PALMD: variants seen among roughly 807,000 people sequenced by gnomAD.
The protein encoded by PALMD is paralemmin-like protein.
PALMD carries 42 observed loss-of-function variants against 56.2 expected under a neutral mutation model. The ratio of observed to expected loss-of-function variants is 0.75; its 90% CI spans 0.58 to 0.97. The LOEUF is 0.97. Ranked by LOEUF, PALMD falls within the 50% of genes least tolerant of loss-of-function variation. The probability of loss-of-function intolerance (pLI) is 0.00; values close to 1 mark genes in which losing one functional copy is unlikely to be tolerated. For synonymous variants in PALMD, 242 were observed against 222.9 expected (o/e 1.09, Z -0.76); for missense variants, 660 against 643.8 (o/e 1.03, Z -0.27).
intron 1 of PALMD, among the ~76,000 whole-genome samples, chr1:99,652,484 A>G (rs1652608891): frequency 6.6e-6 from 1 of 151,928 alleles, no homozygotes; most frequent in Admixed American, 6.6e-5. Context: ...TGCGCCTGTA[A>G]TCCCAGCTAC....
chr1:99,646,206 C>G lies in PALMD; in HGVS notation c.-112C>G. On this transcript the variant is annotated 5_prime_UTR_variant, in exon 1 of 8. Transcript: ENST00000263174. ...TCTATTTCTCCACTGGTGCAAAGAG[C>G]GGATTTCTCCCTGCTTCTCTTCTGT... 1 of 826,252 alleles carries G rather than the reference C, an allele frequency of 1.2e-6. No individual in the cohort carries two copies. Among genetic ancestry groups the G allele is most frequent in the Non-Finnish European group, 2.1e-6 (1 of 479,242 alleles). The allele number at this position is 826,252 out of a possible 1,614,324, so 51.2% of individuals were successfully genotyped here.
At chr1:99,664,661 G>A (rs972795332) in intron 2 of PALMD, among the ~76,000 whole-genome samples, 4 of 152,120 alleles carry the variant, frequency 2.6e-5, no homozygotes, top group Non-Finnish European at 4.4e-5. Context: ...CCAAAATGGG[G>A]TTCAAAATGT....
chr1:99,662,479 G>C, intron 2 of PALMD, 80 bp downstream of exon 2: 1 of 876,844 alleles, frequency 1.1e-6, no homozygotes, highest in Non-Finnish European at 1.8e-6. Context: ...TAGTAAAAAA[G>C]CTTTAGGAAA....
At position 99,650,285 on chromosome 1, in the gene PALMD, G is replaced by GAAAAAA. The variant is rs200081370; in HGVS notation, c.45+3952_45+3957dup. Among the ~76,000 whole-genome samples, 24 of 116,990 alleles carry GAAAAAA rather than the reference G, an allele frequency of 2.1e-4. 1 individual carries two copies. The highest frequency in any genetic ancestry group is 2.9e-4 in the Non-Finnish European group (17 of 58,718). 76.7% of individuals were successfully genotyped at this position (116,990 alleles called of 152,430 possible). ...TTTGCCGGCCAAAGCTGCTCATAAT[G>GAAAAAA]AAAAAAAAAAAAAAAAAAAAAAAAA... On this transcript the variant is annotated intron_variant, in intron 1 of 7. Transcript: ENST00000263174.
In PALMD at chr1:99,648,048, T is replaced by A. The variant is rs541162798; in HGVS notation, c.45+1686T>A. 1.2e-4 allele frequency among the ~76,000 whole-genome samples: 19 copies of A among 152,310 alleles called. No individual in the cohort carries two copies. The South Asian group carries it at 3.7e-3, about 30-fold the overall frequency. On this transcript the variant is annotated intron_variant, in intron 1 of 7. Transcript: ENST00000263174. The stretch of plus-strand genomic sequence containing the variant: ...GTAAGTAGCTTCCTGAATATGCAGA[T>A]GTATGCTTTTTTGATGATTAAAAAA...
chr1:99,654,136 C>A (rs760281495), intron 1 of PALMD, among the ~76,000 whole-genome samples: 5 of 151,988 alleles, frequency 3.3e-5, no homozygotes, highest in African/African-American at 1.2e-4. Flanking sequence ...TTCCACCACT[C>A]GATCAATCAC....
chr1:99,666,663 G>T (rs1652968896), intron 2 of PALMD, among the ~76,000 whole-genome samples: 1 of 152,080 alleles, frequency 6.6e-6, no homozygotes, highest in Non-Finnish European at 1.5e-5. Flanking sequence ...ACAAATAATT[G>T]ATAGGGCAGA....
intron 3 of PALMD, among the ~76,000 whole-genome samples, chr1:99,670,447 GAGAA>G (rs1233372824): frequency 6.6e-6 from 1 of 152,184 alleles, no homozygotes; most frequent in Non-Finnish European, 1.5e-5. Context: ...AATAGGCGCA[GAGAA>G]AGAAAGTGAC....
intron 1 of PALMD, among the ~76,000 whole-genome samples, chr1:99,656,645 T>C (rs1402828071): frequency 6.6e-6 from 1 of 152,188 alleles, no homozygotes; most frequent in Non-Finnish European, 1.5e-5. Context: ...TAGTCAAGTA[T>C]ATGATGGCTT....
At chr1:99,681,586 C>T (rs1182305367) in intron 3 of PALMD, among the ~76,000 whole-genome samples, 1 of 152,054 alleles carries the variant, frequency 6.6e-6, no homozygotes, top group Non-Finnish European at 1.5e-5. Context: ...AAACAAATTC[C>T]TTATAAAGTA....
intron 3 of PALMD, chr1:99,683,116 AAG>A (rs1256208089): frequency 8.4e-6 from 1 of 118,524 alleles, no homozygotes; most frequent in Non-Finnish European, 1.6e-5. Context: ...GAAAGAAAGA[AAG>A]AAAGAAAGAA....
rs1003821878 is a variant in PALMD, at chr1:99,694,286, T to C, written c.*224T>C. On this transcript the variant is annotated 3_prime_UTR_variant, in exon 8 of 8. Coordinates refer to ENST00000263174, the MANE Select transcript of PALMD (RefSeq NM_017734.5). ...TTTCCAGTTACTTGACACGATTCAG[T>C]GGGGGAAAACCAGCATTTTTTATTC... 1 of 406,452 alleles carries C rather than the reference T, an allele frequency of 2.5e-6. No homozygotes were observed. The highest frequency in any genetic ancestry group is 5.3e-5 in the South Asian group (1 of 18,928). The allele number at this position is 406,452 out of a possible 1,614,324, so 25.2% of individuals were successfully genotyped here. A position where few individuals can be genotyped will look rare whatever the true frequency, so the allele number is the denominator to read the frequency against.
intron 1 of PALMD, among the ~76,000 whole-genome samples, chr1:99,652,169 G>T (rs1458144899): frequency 6.6e-6 from 1 of 152,174 alleles, no homozygotes; most frequent in Non-Finnish European, 1.5e-5. Flanking sequence ...ATGGCAGAAA[G>T]CCTAGGCCAA....
At chr1:99,655,576 G>A (rs536078550) in intron 1 of PALMD, among the ~76,000 whole-genome samples, 1 of 152,132 alleles carries the variant, frequency 6.6e-6, no homozygotes, top group South Asian at 2.1e-4. Context: ...AAAAAACTGG[G>A]TCATTTGCCA....
chr1:99,693,917 T>A, intron 7 of PALMD, 102 bp from the exon 8 acceptor site: 3 of 743,990 alleles, frequency 4.0e-6, no homozygotes, highest in Non-Finnish European at 7.0e-6. Flanking sequence ...GATAAAACCA[T>A]CTGAGGTATG....
rs775659015 is a variant in PALMD, at chr1:99,686,794, A to G, written c.366+4A>G. The G allele has an allele frequency of 1.4e-6, 2 of 1,477,600 alleles. No homozygotes were observed. The highest frequency in any genetic ancestry group is 2.8e-5 in the African/African-American group (2 of 71,338). 91.5% of individuals were successfully genotyped at this position (1,477,600 alleles called of 1,614,324 possible). A position where few individuals can be genotyped will look rare whatever the true frequency, so the allele number is the denominator to read the frequency against. ...GACAACAGAAGACATTATAAGAGTGAGCATTAACCAATTTTAAAACTGTAA... is the reference window on the plus strand; with the variant it reads ...GACAACAGAAGACATTATAAGAGTGGGCATTAACCAATTTTAAAACTGTAA... On this transcript the variant is annotated splice_donor_region_variant and intron_variant, in intron 4 of 7. Coordinates refer to ENST00000263174, the MANE Select transcript of PALMD (RefSeq NM_017734.5).
At chr1:99,668,090 G>A (rs1653006606) in intron 3 of PALMD, 1 of 228,962 alleles carries the variant, frequency 4.4e-6, no homozygotes, top group Non-Finnish European at 8.8e-6. Flanking sequence ...TGTTGCCCTG[G>A]CTGGTCTAGA....
At chr1:99,678,505 A>C (rs1342065513) in intron 3 of PALMD, among the ~76,000 whole-genome samples, 2 of 152,194 alleles carry the variant, frequency 1.3e-5, no homozygotes, top group African/African-American at 4.8e-5. Flanking sequence ...CCTTTAGTGA[A>C]TACTACTATT....
At chr1:99,667,615 A>C in intron 2 of PALMD, 27 bp from the exon 3 acceptor site, 1 of 1,603,484 alleles carries the variant, frequency 6.2e-7, no homozygotes, top group African/African-American at 1.3e-5. Flanking sequence ...CAATATAAGA[A>C]CATATCTTTA....
Sources: allele counts gnomAD v4.1 joint callset (sites outside exome capture counted in the v4.1 genomes callset), GRCh38; gene constraint gnomAD v4.1.1; transcripts MANE v1.5; gene names NCBI Gene and HGNC (gene_info 2026-07-23, HGNC 2026-07-21).